The following MAD1L1 variants were observed in gnomAD, a reference collection of about 807,000 sequenced individuals.
MAD1L1 encodes mitotic spindle assembly checkpoint protein MAD1.
A neutral mutation model predicts 96.9 loss-of-function variants in MAD1L1; 95 were observed. The ratio of observed to expected loss-of-function variants is 0.98; its 90% CI spans 0.83 to 1.16. MAD1L1 has a LOEUF of 1.16. Ranked by LOEUF, MAD1L1 falls within the 50% of genes most tolerant of loss-of-function variation. MAD1L1 has a pLI of 0.00. For synonymous variants in MAD1L1, 473 were observed against 396.6 expected, an observed-to-expected ratio of 1.19 and a Z score of -2.29; for missense variants, 1,007 against 954.4, an observed-to-expected ratio of 1.06 and a Z score of -0.73.
At chr7:2,096,990 C>A (rs894850218) in intron 11 of MAD1L1, among the ~76,000 whole-genome samples, 1 of 152,182 alleles carries the variant, frequency 6.6e-6, no homozygotes, top group Non-Finnish European at 1.5e-5. Flanking sequence ...GGGGACCCTG[C>A]CAGGCACAGA....
At chr7:1,871,318 T>C (rs1785078997) in intron 18 of MAD1L1, among the ~76,000 whole-genome samples, 1 of 141,498 alleles carries the variant, frequency 7.1e-6, no homozygotes, top group African/African-American at 2.7e-5. Context: ...AACATACGCC[T>C]GCCACGCTGA....
At chr7:1,923,610 G>A (rs1006750124) in intron 17 of MAD1L1, among the ~76,000 whole-genome samples, 1 of 152,286 alleles carries the variant, frequency 6.6e-6, no homozygotes, top group African/African-American at 2.4e-5. Flanking sequence ...CGTGGGGCAT[G>A]TCCTGCCCTG....
chr7:2,013,561 G>A (rs1449011288), intron 13 of MAD1L1, among the ~76,000 whole-genome samples: 3 of 152,368 alleles, frequency 2.0e-5, no homozygotes, highest in East Asian at 1.9e-4. Flanking sequence ...CATAGGATAC[G>A]GTGACAATGA....
At chr7:1,915,257 G>T (rs1399483851) in intron 17 of MAD1L1, among the ~76,000 whole-genome samples, 1 of 152,184 alleles carries the variant, frequency 6.6e-6, no homozygotes, top group Non-Finnish European at 1.5e-5. Flanking sequence ...TAAACGAAGT[G>T]CAACAGTAGC....
At position 2,119,179 on chromosome 7, in the gene MAD1L1, G is replaced by A. The variant is rs961018835; in HGVS notation, c.1073+29973C>T. Among the ~76,000 whole-genome samples the A allele has an allele frequency of 6.6e-6, 1 of 152,130 alleles. No individual in the cohort carries two copies. Among genetic ancestry groups the A allele is most frequent in the South Asian group, 2.1e-4 (1 of 4,810 alleles). On this transcript the variant is annotated intron_variant, in intron 11 of 18. Coordinates refer to ENST00000265854, the MANE Select transcript of MAD1L1 (RefSeq NM_001013836.2). This position sits in a 1 kb window ranked among gnomAD's most constrained non-coding sequence, Gnocchi z 4.6. ...AGGCCAGGCAGCCTGGACTCCTGCT[G>A]TGTTTCATCTACTGTGACATTTCTC...
At chr7:2,060,388 A>G (rs1026891579) in intron 12 of MAD1L1, among the ~76,000 whole-genome samples, 3 of 151,446 alleles carry the variant, frequency 2.0e-5, no homozygotes, top group Non-Finnish European at 4.4e-5. Flanking sequence ...CCGAGATGTC[A>G]AGATACGCTG....
At chr7:2,073,875 CAG>C (rs945014063) in intron 11 of MAD1L1, among the ~76,000 whole-genome samples, 2 of 152,184 alleles carry the variant, frequency 1.3e-5, no homozygotes, top group African/African-American at 4.8e-5. Context: ...GCGTGGGCAG[CAG>C]AGAGACACCC....
In MAD1L1 at chr7:2,196,549, G is replaced by A. The variant is rs192013201; in HGVS notation, c.986+16663C>T. Among the ~76,000 whole-genome samples the A allele has an allele frequency of 3.0e-3, 452 of 152,338 alleles. 2 individuals carry two copies. The highest frequency in any genetic ancestry group is 0.011 in the African/African-American group (438 of 41,570). ...TGTGTGCACTACGTGGGCAGACTGT[G>A]CTGTGCTCGTCACAGCGTCGCCAGA... is the stretch of plus-strand genomic sequence containing the variant. On this transcript the variant is annotated intron_variant, in intron 10 of 18. Coordinates refer to ENST00000265854, the MANE Select transcript of MAD1L1 (RefSeq NM_001013836.2).
chr7:1,897,925 A>G (rs1385093695), intron 18 of MAD1L1, among the ~76,000 whole-genome samples: 1 of 152,222 alleles, frequency 6.6e-6, no homozygotes, highest in East Asian at 1.9e-4. Context: ...ACGAAGCCCA[A>G]GTTGCGACAG....
intron 13 of MAD1L1, among the ~76,000 whole-genome samples, chr7:2,003,586 G>A (rs992871833): frequency 3.3e-5 from 5 of 152,118 alleles, no homozygotes; most frequent in Non-Finnish European, 7.4e-5. Context: ...GGCTGCAGGT[G>A]TGAGCACCTG....
chr7:2,043,647 G>C (rs575033425), intron 12 of MAD1L1, among the ~76,000 whole-genome samples: 2 of 152,192 alleles, frequency 1.3e-5, no homozygotes, highest in Admixed American at 1.3e-4. Flanking sequence ...GGCCTGGGGG[G>C]GCTGGGGATC....
intron 18 of MAD1L1, among the ~76,000 whole-genome samples, chr7:1,839,086 C>T (rs775178491): frequency 6.6e-6 from 1 of 152,218 alleles, no homozygotes; most frequent in Non-Finnish European, 1.5e-5. Flanking sequence ...GCCTCCGTGC[C>T]CTGGGGCAGG....
chr7:1,995,733 C>T (rs1008219356), intron 14 of MAD1L1, among the ~76,000 whole-genome samples: 3 of 152,170 alleles, frequency 2.0e-5, no homozygotes, highest in Non-Finnish European at 2.9e-5. Context: ...GCTGGTGCAG[C>T]GTGAACTGAA....
chr7:2,078,450 C>T (rs539117338), intron 11 of MAD1L1, among the ~76,000 whole-genome samples: 1 of 152,188 alleles, frequency 6.6e-6, no homozygotes, highest in Non-Finnish European at 1.5e-5. Context: ...CCTCCCCTGC[C>T]CCACGCTCAC....
intron 17 of MAD1L1, among the ~76,000 whole-genome samples, chr7:1,903,867 C>T (rs71522278): frequency 0.17 from 19,016 of 109,262 alleles, 2,112 homozygotes; most frequent in East Asian, 0.29. Flanking sequence ...GCAGCGAGGA[C>T]GCAGTGGCCT....
intron 12 of MAD1L1, among the ~76,000 whole-genome samples, chr7:2,020,383 G>A (rs1397676475): frequency 5.3e-5 from 8 of 152,206 alleles, no homozygotes; most frequent in African/African-American, 9.6e-5. Context: ...GGCACCATGC[G>A]GCCCCCACCC....
At chr7:2,206,822 C>T (rs760315716) in intron 10 of MAD1L1, among the ~76,000 whole-genome samples, 15 of 151,758 alleles carry the variant, frequency 9.9e-5, no homozygotes, top group Non-Finnish European at 2.1e-4. Flanking sequence ...TGGCTCATGC[C>T]TGTAATCCCA....
At chr7:2,102,421 C>A (rs1786852819) in intron 11 of MAD1L1, among the ~76,000 whole-genome samples, 1 of 151,156 alleles carries the variant, frequency 6.6e-6, no homozygotes. Flanking sequence ...ATGTCACCAT[C>A]ACCACTGTCA....
chr7:1,936,634 A>G (rs887479543), intron 17 of MAD1L1, 53 bp downstream of exon 17: 10 of 1,514,124 alleles, frequency 6.6e-6, no homozygotes, highest in Non-Finnish European at 8.0e-6. Context: ...GCACGGATGG[A>G]CCTACCCACG....
Sources: allele counts gnomAD v4.1 joint callset (sites outside exome capture counted in the v4.1 genomes callset), GRCh38; gene constraint gnomAD v4.1.1; non-coding constraint Gnocchi (gnomAD v3.1); transcripts MANE v1.5; gene names NCBI Gene and HGNC (gene_info 2026-07-23, HGNC 2026-07-21).